The following SSU72 variants were observed in gnomAD, a reference collection of about 807,000 sequenced individuals.
SSU72 encodes SSU72 homolog, RNA polymerase II CTD phosphatase, also known as RNA polymerase II subunit A C-terminal domain phosphatase SSU72.
In SSU72, 12 loss-of-function variants were observed where a neutral mutation model predicts 22.7. That is an observed-to-expected ratio of 0.53 (90% CI 0.34 to 0.86). SSU72 has a LOEUF of 0.86. Ranked by LOEUF, SSU72 falls within the 40% of genes least tolerant of loss-of-function variation. The pLI is 0.02. For synonymous variants in SSU72, 116 were observed against 98.3 expected, an observed-to-expected ratio of 1.18 and a Z score of -1.06; for missense variants, 151 against 249.8, an observed-to-expected ratio of 0.60 and a Z score of 2.67.
At chr1:1,570,461 T>C (rs1357355518) in intron 1 of SSU72, among the ~76,000 whole-genome samples, 1 of 148,454 alleles carries the variant, frequency 6.7e-6, no homozygotes, top group African/African-American at 2.5e-5. Context: ...GAGACCCCAG[T>C]CATGACATGG....
intron 2 of SSU72, chr1:1,563,000 G>A (rs1024797939): frequency 6.6e-6 from 1 of 152,480 alleles, no homozygotes; most frequent in Non-Finnish European, 1.5e-5. Context: ...TCTCCACCGT[G>A]GGACGCCCAG....
intron 1 of SSU72, among the ~76,000 whole-genome samples, 168 bp from the exon 2 acceptor site, chr1:1,565,084 A>G (rs531918273): frequency 2.6e-5 from 4 of 152,296 alleles, no homozygotes; most frequent in African/African-American, 9.6e-5. Context: ...TCGCGCCTGT[A>G]ATCCCAGCAC....
chr1:1,555,273 G>T (rs1418718783), intron 2 of SSU72, among the ~76,000 whole-genome samples: 7 of 152,240 alleles, frequency 4.6e-5, no homozygotes, highest in Admixed American at 4.6e-4. Context: ...GGAGGCTCCG[G>T]TATCTGTGCT....
chr1:1,569,309 AC>A (rs1642701053), intron 1 of SSU72, among the ~76,000 whole-genome samples: 1 of 152,222 alleles, frequency 6.6e-6, no homozygotes, highest in Non-Finnish European at 1.5e-5. Context: ...GTGGAAACGT[AC>A]GGCGGAGTCT....
chr1:1,552,749 G>A (rs756950450), intron 2 of SSU72, among the ~76,000 whole-genome samples: 2 of 152,140 alleles, frequency 1.3e-5, no homozygotes, highest in Non-Finnish European at 2.9e-5. Context: ...GGCCGGGCGC[G>A]GTGCCTCACT....
At chr1:1,563,693 A>G in intron 2 of SSU72, 1 of 152,204 alleles carries the variant, frequency 6.6e-6, no homozygotes, top group Non-Finnish European at 1.5e-5. Flanking sequence ...GACTACTAAA[A>G]ATACAAAAAT....
At chr1:1,558,430 A>G (rs1378750772) in intron 2 of SSU72, among the ~76,000 whole-genome samples, 1 of 152,184 alleles carries the variant, frequency 6.6e-6, no homozygotes, top group Non-Finnish European at 1.5e-5. Context: ...GGTAATTAGA[A>G]AAAAATCCAC....
intron 2 of SSU72, among the ~76,000 whole-genome samples, chr1:1,547,188 C>T (rs1366088318): frequency 1.3e-5 from 2 of 152,122 alleles, no homozygotes; most frequent in Admixed American, 6.6e-5. Flanking sequence ...ATCACCCTCC[C>T]TGCACATCCC....
At chr1:1,567,502 C>T (rs141730549) in intron 1 of SSU72, among the ~76,000 whole-genome samples, 1 of 152,230 alleles carries the variant, frequency 6.6e-6, no homozygotes, top group Non-Finnish European at 1.5e-5. Context: ...CAGATCCTGA[C>T]GGAAACATGA....
At chr1:1,543,023 C>T (rs973581788) in intron 4 of SSU72, among the ~76,000 whole-genome samples, 2 of 152,260 alleles carry the variant, frequency 1.3e-5, no homozygotes, top group African/African-American at 2.4e-5. Context: ...TTCTGTTTTT[C>T]TGTCTTTCAC....
chr1:1,574,442 A>C (rs1181472396), intron 1 of SSU72, 36 bp downstream of exon 1: 6 of 1,569,332 alleles, frequency 3.8e-6, no homozygotes, highest in South Asian at 3.5e-5. Context: ...CGGTCGCCGG[A>C]GCAGAGCGCG....
rs376513665 is a variant in SSU72 at position 1,545,015 on chromosome 1, G to A, written c.225-13C>T. ...ATTCTGTGTATAGCTACACATGGGA[G>A]TTAAGGAACGTCAGAGAAAAGGCAT... is the stretch of plus-strand genomic sequence containing the variant. On this transcript the variant is annotated splice_polypyrimidine_tract_variant and intron_variant, in intron 2 of 4. Transcript: ENST00000291386. 4.3e-6 allele frequency: 7 copies of A among 1,610,622 alleles called. No homozygotes were observed. The African/African-American group carries it at 5.3e-5, about 12-fold the overall frequency.
At chr1:1,569,046 T>G (rs751423849) in intron 1 of SSU72, among the ~76,000 whole-genome samples, 18 of 151,944 alleles carry the variant, frequency 1.2e-4, no homozygotes, top group Non-Finnish European at 1.9e-4. Context: ...TGGTGGTGCA[T>G]GTCTGTAGTC....
intron 1 of SSU72, among the ~76,000 whole-genome samples, chr1:1,567,806 G>A (rs146173291): frequency 1.2e-4 from 18 of 151,534 alleles, no homozygotes; most frequent in African/African-American, 4.1e-4. Flanking sequence ...CCAGCTATTC[G>A]GGAGGCTGAG....
In SSU72 at chr1:1,568,910, G is replaced by A. The variant is rs187354281; in HGVS notation, c.81-3994C>T. Among the ~76,000 whole-genome samples, 28 of 152,226 alleles carry A rather than the reference G, an allele frequency of 1.8e-4. 1 individual carries two copies. In the East Asian group the frequency reaches 5.2e-3, roughly 28 times the overall value. Reference sequence around the variant, plus strand: ...AATAAGGCCAGGCACGGTGGCTCACGCCTGTAATCCCAGCACTTTGGGAAG... The same window carrying A: ...AATAAGGCCAGGCACGGTGGCTCACACCTGTAATCCCAGCACTTTGGGAAG... On this transcript the variant is annotated intron_variant, in intron 1 of 4. Coordinates refer to ENST00000291386, the MANE Select transcript of SSU72 (RefSeq NM_014188.3).
intron 2 of SSU72, among the ~76,000 whole-genome samples, chr1:1,560,130 G>A (rs1642570153): frequency 6.6e-6 from 1 of 152,136 alleles, no homozygotes; most frequent in South Asian, 2.1e-4. Flanking sequence ...GGGATTACAG[G>A]TGTGAGCCAC....
chr1:1,570,897 G>C (rs1434254850), intron 1 of SSU72, among the ~76,000 whole-genome samples: 1 of 151,828 alleles, frequency 6.6e-6, no homozygotes, highest in African/African-American at 2.4e-5. Context: ...AGATCACGAG[G>C]TCAGGAGATC....
chr1:1,548,447 T>C (rs549102701), intron 2 of SSU72, among the ~76,000 whole-genome samples: 1 of 151,192 alleles, frequency 6.6e-6, no homozygotes, highest in East Asian at 2.0e-4. Flanking sequence ...CCAGCTACTC[T>C]GGAGGCTGAG....
In SSU72 at chr1:1,541,901, G is replaced by A. The variant is rs1290390385; in HGVS notation, c.*165C>T. 1.2e-5 allele frequency: 7 copies of A among 606,118 alleles called. No individual in the cohort carries two copies. Among genetic ancestry groups the A allele is most frequent in the African/African-American group, 1.9e-5 (1 of 53,450 alleles). 37.5% of individuals were successfully genotyped at this position (606,118 alleles called of 1,614,324 possible). On this transcript the variant is annotated 3_prime_UTR_variant, in exon 5 of 5. Transcript: ENST00000291386. ...AAAGTGGAAAAGAAGAAACTTGATT[G>A]CTTTCATCTGGCGTTTTGGCATCTC...
Sources: allele counts gnomAD v4.1 joint callset (sites outside exome capture counted in the v4.1 genomes callset), GRCh38; gene constraint gnomAD v4.1.1; transcripts MANE v1.5; gene names NCBI Gene and HGNC (gene_info 2026-07-23, HGNC 2026-07-21).